Variants in EPB41L4B observed in about 807,000 individuals in gnomAD.
The protein encoded by EPB41L4B is erythrocyte membrane protein band 4.1 like 4B.
A neutral mutation model predicts 112.5 loss-of-function variants in EPB41L4B; 30 were observed. The observed-to-expected ratio is 0.27, with a 90% CI of 0.20 to 0.36. The LOEUF (loss-of-function observed/expected upper bound fraction) is 0.36, where lower values mean the gene tolerates loss of function less well. Among genes scored for constraint, EPB41L4B ranks in the 10% least tolerant of loss-of-function variants. The pLI, the probability that EPB41L4B is intolerant of heterozygous loss-of-function variation, is 1.00. For synonymous variants in EPB41L4B, 408 were observed against 439.7 expected (o/e 0.93, Z 0.90); for missense variants, 1,024 against 1,133.3 (o/e 0.90, Z 1.38).
intron 2 of EPB41L4B, among the ~76,000 whole-genome samples, chr9:109,277,419 A>G (rs1835876153): frequency 6.6e-6 from 1 of 152,052 alleles, no homozygotes; most frequent in Non-Finnish European, 1.5e-5. Context: ...CAGGTGAGGC[A>G]ACTGCTGGAA....
intron 1 of EPB41L4B, among the ~76,000 whole-genome samples, chr9:109,301,618 T>C (rs985279660): frequency 6.6e-6 from 1 of 152,246 alleles, no homozygotes; most frequent in Non-Finnish European, 1.5e-5. Context: ...ATACAGAGGC[T>C]ACTCTTTTAA....
At chr9:109,246,520 G>T (rs1186873860) in intron 14 of EPB41L4B, among the ~76,000 whole-genome samples, 2 of 152,240 alleles carry the variant, frequency 1.3e-5, no homozygotes, top group Non-Finnish European at 2.9e-5. Context: ...ATTCCAGGCA[G>T]ACAAACACGG....
chr9:109,245,733 G>A (rs191232748), intron 14 of EPB41L4B, among the ~76,000 whole-genome samples: 1 of 152,296 alleles, frequency 6.6e-6, no homozygotes, highest in Non-Finnish European at 1.5e-5. Context: ...GTATTCACAT[G>A]CCAATCAGGC....
intron 16 of EPB41L4B, 87 bp from the exon 17 acceptor site, chr9:109,213,905 TC>T: frequency 8.4e-7 from 1 of 1,188,498 alleles, no homozygotes; most frequent in Non-Finnish European, 1.2e-6. Flanking sequence ...AGCGCCCGAT[TC>T]CCAGCACCCT....
intron 15 of EPB41L4B, among the ~76,000 whole-genome samples, chr9:109,223,125 CAT>C (rs1392607020): frequency 2.0e-5 from 3 of 152,180 alleles, no homozygotes; most frequent in African/African-American, 7.2e-5. Flanking sequence ...GACAACCAAA[CAT>C]GTGGTGCTCA....
At chr9:109,183,640 C>T (rs1405817926) in intron 23 of EPB41L4B, among the ~76,000 whole-genome samples, 5 of 152,182 alleles carry the variant, frequency 3.3e-5, no homozygotes, top group Admixed American at 1.3e-4. Flanking sequence ...AACCAGATGA[C>T]TCTGACACCA....
intron 1 of EPB41L4B, among the ~76,000 whole-genome samples, chr9:109,287,926 C>T (rs574622328): frequency 6.6e-5 from 10 of 152,198 alleles, no homozygotes; most frequent in Admixed American, 3.3e-4. Context: ...TGGCCAGCTT[C>T]GGGAAGGCCT....
chr9:109,256,069 T>C, intron 9 of EPB41L4B, 67 bp downstream of exon 9: 2 of 1,398,938 alleles, frequency 1.4e-6, no homozygotes, highest in Non-Finnish European at 2.0e-6. Context: ...TCAATAATCA[T>C]CCATCACATA....
At chr9:109,209,981 GA>G (rs1833108473) in intron 17 of EPB41L4B, among the ~76,000 whole-genome samples, 1 of 152,164 alleles carries the variant, frequency 6.6e-6, no homozygotes, top group Non-Finnish European at 1.5e-5. Context: ...TCAATTCTCT[GA>G]ATCTGTTTCT....
chr9:109,291,698 C>T (rs903078403), intron 1 of EPB41L4B, among the ~76,000 whole-genome samples: 1 of 152,184 alleles, frequency 6.6e-6, no homozygotes, highest in Non-Finnish European at 1.5e-5. Context: ...AAGTGACTGC[C>T]TGTCATCTTG....
chr9:109,176,469 T>A, intron 25 of EPB41L4B, 82 bp downstream of exon 25: 1 of 1,436,876 alleles, frequency 7.0e-7, no homozygotes, highest in Non-Finnish European at 9.4e-7. Flanking sequence ...GGCCTGTACG[T>A]GTCACAAACA....
At chr9:109,266,485 A>C (rs568815521) in intron 4 of EPB41L4B, among the ~76,000 whole-genome samples, 58 of 152,288 alleles carry the variant, frequency 3.8e-4, no homozygotes, top group Admixed American at 1.9e-3. Context: ...ATATGTCACC[A>C]CTGCAGTCCA....
chr9:109,212,147 T>C (rs1833204891), intron 17 of EPB41L4B, among the ~76,000 whole-genome samples: 1 of 152,162 alleles, frequency 6.6e-6, no homozygotes, highest in Non-Finnish European at 1.5e-5. Context: ...GCTCCACCAA[T>C]AGTCATGGCA....
intron 2 of EPB41L4B, among the ~76,000 whole-genome samples, chr9:109,271,602 T>G (rs997851913): frequency 5.3e-5 from 8 of 152,234 alleles, no homozygotes; most frequent in Admixed American, 3.9e-4. Context: ...ACATGGCATT[T>G]AGTAAACTGT....
Position 109,226,607 on chromosome 9 carries a change from C to CATATAT in EPB41L4B, c.1410-9468_1410-9463dup, listed in dbSNP as rs3081622. Among the ~76,000 whole-genome samples, 799 of 90,786 alleles carry CATATAT rather than the reference C, an allele frequency of 8.8e-3. 18 individuals are homozygous for CATATAT. Among genetic ancestry groups the CATATAT allele is most frequent in the African/African-American group, 0.031 (720 of 23,320 alleles). 59.6% of individuals were successfully genotyped at this position (90,786 alleles called of 152,430 possible). A position where few individuals can be genotyped will look rare whatever the true frequency, so the allele number is the denominator to read the frequency against. The stretch of plus-strand genomic sequence containing the variant: ...AATCAAAACCTCTCTTTGGATTTTT[C>CATATAT]ATATATATATATATATATATATGAA... On this transcript the variant is annotated intron_variant, in intron 15 of 25. Coordinates refer to ENST00000374566, the MANE Select transcript of EPB41L4B (RefSeq NM_019114.5).
At position 109,198,634 on chromosome 9, in the gene EPB41L4B, C is replaced by T. The variant is rs117658101; in HGVS notation, c.2045+1602G>A. On this transcript the variant is annotated intron_variant, in intron 20 of 25. Coordinates refer to ENST00000374566, the MANE Select transcript of EPB41L4B (RefSeq NM_019114.5). ...AGAAATGGGAACTACAAGCCGGGCA[C>T]GGTGGCTCATGCCTGTAATCCTAGC... is the stretch of plus-strand genomic sequence containing the variant. Among the ~76,000 whole-genome samples the T allele has an allele frequency of 1.6e-3, 243 of 152,246 alleles. 7 individuals carry two copies. The South Asian group carries it at 0.025, about 16-fold the overall frequency.
chr9:109,295,670 G>A (rs547383766), intron 1 of EPB41L4B, among the ~76,000 whole-genome samples: 2 of 152,184 alleles, frequency 1.3e-5, no homozygotes, highest in East Asian at 3.9e-4. Flanking sequence ...ATGTTCAGGC[G>A]ACTGTATTAT....
intron 11 of EPB41L4B, among the ~76,000 whole-genome samples, chr9:109,254,263 T>A (rs1347890592): frequency 2.0e-5 from 3 of 152,170 alleles, no homozygotes; most frequent in East Asian, 3.9e-4. Context: ...TGACTGTCCT[T>A]CCCGCCTCAC....
intron 15 of EPB41L4B, among the ~76,000 whole-genome samples, chr9:109,237,153 A>G (rs139823558): frequency 5.3e-5 from 8 of 152,352 alleles, no homozygotes; most frequent in Non-Finnish European, 8.8e-5. Flanking sequence ...CAATATTAAC[A>G]GGCAAGAAGG....
Sources: allele counts gnomAD v4.1 joint callset (sites outside exome capture counted in the v4.1 genomes callset), GRCh38; gene constraint gnomAD v4.1.1; transcripts MANE v1.5; gene names NCBI Gene and HGNC (gene_info 2026-07-23, HGNC 2026-07-21).